GSE1: variants seen among roughly 807,000 people sequenced by gnomAD.
The protein encoded by GSE1 is genetic suppressor element 1.
Under a neutral mutation model 112.6 loss-of-function variants are expected in GSE1, and 32 were observed. The ratio of observed to expected loss-of-function variants is 0.28; its 90% confidence interval spans 0.21 to 0.38. The LOEUF is 0.38. Ranked by LOEUF, GSE1 falls within the 10% of genes least tolerant of loss-of-function variation. The pLI is 1.00. For synonymous variants in GSE1, 1,115 were observed against 735.6 expected (o/e 1.52, Z -8.35); for missense variants, 2,348 against 1,699.2 (o/e 1.38, Z -6.71).
chr16:85,465,348 T>A (rs914740981), intron 2 of GSE1, among the ~76,000 whole-genome samples: 13 of 152,168 alleles, frequency 8.5e-5, no homozygotes, highest in African/African-American at 2.9e-4. Flanking sequence ...AAGGGAAGCA[T>A]GTAATAGAAC....
Position 85,672,895 on chromosome 16 carries a change from A to G in GSE1, c.*356A>G, listed in dbSNP as rs532295830. On this transcript the variant is annotated 3_prime_UTR_variant, in exon 16 of 16. Transcript: ENST00000253458. ...GCCCCCTGTGCATATGAGTGGATCA[A>G]ACCGGTTCTGTTCTTTCTTGTGTTG... 1.2e-3 allele frequency: 200 copies of G among 162,690 alleles called. No homozygotes were observed. Among genetic ancestry groups the G allele is most frequent in the Middle Eastern group, 2.8e-3 (1 of 354 alleles). The allele number at this position is 162,690 out of a possible 1,614,324, so 10.1% of individuals were successfully genotyped here.
chr16:85,393,284 G>A (rs2047887953), intron 2 of GSE1, among the ~76,000 whole-genome samples: 1 of 152,194 alleles, frequency 6.6e-6, no homozygotes, highest in Admixed American at 6.5e-5. Context: ...AAGGGAGGCG[G>A]GGGCACAAAA....
intron 1 of GSE1, among the ~76,000 whole-genome samples, chr16:85,349,166 C>G (rs1434188189): frequency 6.6e-6 from 1 of 152,172 alleles, no homozygotes; most frequent in East Asian, 1.9e-4. Flanking sequence ...CATTTAATAA[C>G]CCTTTAGTTG....
At chr16:85,378,130 C>G (rs2047463943) in intron 2 of GSE1, among the ~76,000 whole-genome samples, 1 of 152,192 alleles carries the variant, frequency 6.6e-6, no homozygotes, top group Non-Finnish European at 1.5e-5. Context: ...GGGCAGGGCC[C>G]TGGGCCAGTG....
At chr16:85,482,867 C>G (rs193239970) in intron 2 of GSE1, among the ~76,000 whole-genome samples, 1 of 151,818 alleles carries the variant, frequency 6.6e-6, no homozygotes, top group African/African-American at 2.4e-5. Flanking sequence ...AATCTCAGCT[C>G]CTTGGGAGGC....
chr16:85,634,699 C>T (rs1211857264), intron 2 of GSE1, among the ~76,000 whole-genome samples: 1 of 152,206 alleles, frequency 6.6e-6, no homozygotes, highest in Non-Finnish European at 1.5e-5. Context: ...CTGGTATCAC[C>T]TGGGCAGGAC....
chr16:85,558,828 G>A (rs895211147), intron 1 of GSE1, among the ~76,000 whole-genome samples: 2 of 152,158 alleles, frequency 1.3e-5, no homozygotes, highest in African/African-American at 2.4e-5. Flanking sequence ...TGGGGTTAAC[G>A]CATTGAGAGT....
exon 1 of GSE1, chr16:85,170,319 C>A (rs1446812245): frequency 1.4e-5 from 14 of 985,336 alleles, no homozygotes; most frequent in Non-Finnish European, 1.7e-5. Flanking sequence ...ACTGGGTTCC[C>A]GAGGCCCGGG....
At chr16:85,268,239 A>AGGTG (rs371073148) in intron 1 of GSE1, among the ~76,000 whole-genome samples, 111,921 of 151,568 alleles carry the variant, frequency 0.74, 42,156 homozygotes, top group African/African-American at 0.89. Flanking sequence ...GGTGTGGCAC[A>AGGTG]AGGGTTCTAT....
chr16:85,476,316 C>G (rs775775933), intron 2 of GSE1, among the ~76,000 whole-genome samples: 8 of 152,200 alleles, frequency 5.3e-5, no homozygotes, highest in Admixed American at 1.3e-4. Flanking sequence ...GTGGGAGTTC[C>G]TGTGGCAACT....
At position 85,668,404 on chromosome 16, in the gene GSE1, C is replaced by T. The variant is rs1461512591; in HGVS notation, c.3395C>T (p.Ala1132Val). Residue 1132 changes from alanine to valine, a missense_variant, in exon 14 of 16, where the codon GCT (alanine) becomes GTT (valine). Coordinates refer to ENST00000253458, the MANE Select transcript of GSE1 (RefSeq NM_014615.5). ...CAAGGGATCGAGGCCGTTTTTGAAG[C>T]TTACCAGGAACACATAGAAGGTAAG... ...KWQGIEAVFE[A>V]YQEHIEEQNL... 3 of 1,607,298 alleles carry T rather than the reference C, an allele frequency of 1.9e-6. No homozygotes were observed. Among genetic ancestry groups the T allele is most frequent in the South Asian group, 1.1e-5 (1 of 90,846 alleles).
At chr16:85,650,016 C>G (rs996453864) in intron 3 of GSE1, among the ~76,000 whole-genome samples, 3 of 152,214 alleles carry the variant, frequency 2.0e-5, no homozygotes, top group Admixed American at 2.0e-4. Flanking sequence ...GCCTCTGCTT[C>G]CTTTCACGCC....
At chr16:85,286,813 G>A (rs1028564869) in intron 1 of GSE1, among the ~76,000 whole-genome samples, 1 of 152,212 alleles carries the variant, frequency 6.6e-6, no homozygotes, top group African/African-American at 2.4e-5. Flanking sequence ...CAGCGAGTGG[G>A]ATGTTTTCTT....
chr16:85,647,580 G>C (rs1438627084), intron 2 of GSE1, among the ~76,000 whole-genome samples: 1 of 152,114 alleles, frequency 6.6e-6, no homozygotes, highest in African/African-American at 2.4e-5. Flanking sequence ...CCGTAGAGGG[G>C]TGCTGACCAC....
intron 1 of GSE1, among the ~76,000 whole-genome samples, chr16:85,324,356 A>G (rs1294845863): frequency 6.6e-6 from 1 of 152,112 alleles, no homozygotes; most frequent in Non-Finnish European, 1.5e-5. Flanking sequence ...CTAAAAATAC[A>G]AAAATTAGCT....
intron 1 of GSE1, among the ~76,000 whole-genome samples, chr16:85,227,216 CCTG>C (rs1431210125): frequency 8.5e-5 from 13 of 152,136 alleles, no homozygotes; most frequent in Non-Finnish European, 4.4e-5. Context: ...CAAAACAGCC[CCTG>C]CTATCAGAGA....
At chr16:85,363,497 G>T (rs2047125345) in intron 2 of GSE1, among the ~76,000 whole-genome samples, 1 of 152,228 alleles carries the variant, frequency 6.6e-6, no homozygotes, top group African/African-American at 2.4e-5. Context: ...GGGTGTCAGA[G>T]CCTGTGGTGT....
At chr16:85,269,950 T>G (rs1445081670) in intron 1 of GSE1, among the ~76,000 whole-genome samples, 2 of 149,554 alleles carry the variant, frequency 1.3e-5, no homozygotes, top group Non-Finnish European at 3.0e-5. Flanking sequence ...GTTTGCATAG[T>G]GAGCCCGTGT....
intron 1 of GSE1, among the ~76,000 whole-genome samples, chr16:85,292,002 G>A (rs1418965216): frequency 6.6e-6 from 1 of 152,184 alleles, no homozygotes; most frequent in Non-Finnish European, 1.5e-5. Flanking sequence ...AGGTGATCAG[G>A]AAATCCACCC....
Sources: gnomAD v4.1 joint callset for allele counts (sites outside exome capture counted in the v4.1 genomes callset) on GRCh38, gnomAD v4.1.1 for gene constraint, MANE v1.5 for transcripts, NCBI Gene and HGNC (gene_info 2026-07-23, HGNC 2026-07-21) for gene names.